The following SLC12A6 variants were observed in gnomAD, a reference collection of about 807,000 sequenced individuals.
SLC12A6 encodes the protein K-Cl cotransporter 3.
Under a neutral mutation model 135.3 loss-of-function variants are expected in SLC12A6, and 66 were observed. That is an observed-to-expected ratio of 0.49 (90% CI 0.40 to 0.60). SLC12A6 has a LOEUF of 0.60. Among genes scored for constraint, SLC12A6 ranks in the 20% least tolerant of loss-of-function variants. The pLI is 0.00. For missense variants in SLC12A6, 1,058 were observed against 1,452.3 expected (o/e 0.73, Z 4.41); for synonymous variants, 513 against 508.8 (o/e 1.01, Z -0.11).
chr15:34,291,833 C>T (rs1895554004), intron 2 of SLC12A6, among the ~76,000 whole-genome samples: 1 of 152,038 alleles, frequency 6.6e-6, no homozygotes, highest in African/African-American at 2.4e-5. Context: ...TCAGATCCAT[C>T]ATGTCATTTA....
chr15:34,263,197 C>T (rs1893272457), intron 3 of SLC12A6, among the ~76,000 whole-genome samples: 1 of 152,092 alleles, frequency 6.6e-6, no homozygotes, highest in South Asian at 2.1e-4. Context: ...AGGTGGGAGA[C>T]TGCTAGAGTC....
intron 3 of SLC12A6, among the ~76,000 whole-genome samples, chr15:34,267,698 T>G (rs1380670621): frequency 1.3e-5 from 2 of 152,232 alleles, no homozygotes; most frequent in Non-Finnish European, 2.9e-5. Context: ...AATTTTTGTG[T>G]ACACTTATTT....
chr15:34,277,475 G>C (rs916064825), intron 2 of SLC12A6, among the ~76,000 whole-genome samples: 7 of 151,550 alleles, frequency 4.6e-5, no homozygotes, highest in Admixed American at 1.3e-4. Context: ...TTGCACATAA[G>C]ACAAAGTAGG....
chr15:34,326,329 T>C (rs1031445105), intron 2 of SLC12A6, among the ~76,000 whole-genome samples: 1 of 152,222 alleles, frequency 6.6e-6, no homozygotes, highest in African/African-American at 2.4e-5. Context: ...CATTATGAAA[T>C]GCTTGCTAGA....
At chr15:34,245,992 G>T in intron 13 of SLC12A6, 125 bp from the exon 14 acceptor site, 1 of 771,240 alleles carries the variant, frequency 1.3e-6, no homozygotes, top group South Asian at 1.5e-5. Flanking sequence ...GAGTGCAGTG[G>T]TGTGATCTTG....
chr15:34,318,541 C>T lies in SLC12A6; in HGVS notation c.271+17869G>A, dbSNP rs757186737. 30 of 1,601,286 alleles carry T rather than the reference C, an allele frequency of 1.9e-5. 2 individuals are homozygous for T. In the South Asian group the frequency reaches 3.3e-4, roughly 18 times the overall value. Reference sequence around the variant, plus strand: ...TGAAACATTTTATAGGTTCCAAAAGCTCCCAAGTTGCGTACTCACCTGGTT... The same window carrying T: ...TGAAACATTTTATAGGTTCCAAAAGTTCCCAAGTTGCGTACTCACCTGGTT... On this transcript the variant is annotated intron_variant, in intron 2 of 25. Coordinates refer to ENST00000354181, the MANE Select transcript of SLC12A6 (RefSeq NM_001365088.1).
intron 2 of SLC12A6, among the ~76,000 whole-genome samples, chr15:34,276,112 TGTA>T (rs1418201302): frequency 6.6e-6 from 1 of 152,190 alleles, no homozygotes; most frequent in East Asian, 1.9e-4. Flanking sequence ...TGGTAACTTC[TGTA>T]TTGTATATAT....
intron 3 of SLC12A6, among the ~76,000 whole-genome samples, chr15:34,270,787 A>T (rs1374637479): frequency 1.3e-5 from 2 of 151,684 alleles, no homozygotes; most frequent in Non-Finnish European, 2.9e-5. Context: ...TGGGTGACAG[A>T]GCAAGATTCC....
At chr15:34,253,561 C>T (rs1892538280) in intron 9 of SLC12A6, among the ~76,000 whole-genome samples, 1 of 152,238 alleles carries the variant, frequency 6.6e-6, no homozygotes, top group African/African-American at 2.4e-5. Flanking sequence ...TCTTCTTGCT[C>T]TGCCATTAAT....
At chr15:34,314,097 G>C (rs985554991) in intron 2 of SLC12A6, among the ~76,000 whole-genome samples, 21 of 149,332 alleles carry the variant, frequency 1.4e-4, no homozygotes, top group African/African-American at 5.2e-4. Context: ...GCTTAGGCTG[G>C]AGTGCAGTGG....
chr15:34,323,940 C>CAA (rs144461318), intron 2 of SLC12A6, among the ~76,000 whole-genome samples: 1 of 130,954 alleles, frequency 7.6e-6, no homozygotes, highest in Non-Finnish European at 1.6e-5. Flanking sequence ...GATCTTGTCT[C>CAA]AAAAAAAAAA....
At chr15:34,323,940 C>CAAAAAA (rs144461318) in intron 2 of SLC12A6, among the ~76,000 whole-genome samples, 1 of 130,954 alleles carries the variant, frequency 7.6e-6, no homozygotes, top group African/African-American at 2.9e-5. Flanking sequence ...GATCTTGTCT[C>CAAAAAA]AAAAAAAAAA....
chr15:34,272,229 A>T (rs1003242513), intron 3 of SLC12A6, among the ~76,000 whole-genome samples: 1 of 152,154 alleles, frequency 6.6e-6, no homozygotes, highest in Non-Finnish European at 1.5e-5. Flanking sequence ...TTGGCCTCCC[A>T]AAGTGCTGGG....
At chr15:34,316,623 TC>T (rs1595561804) in intron 2 of SLC12A6, among the ~76,000 whole-genome samples, 1 of 152,214 alleles carries the variant, frequency 6.6e-6, no homozygotes, top group East Asian at 1.9e-4. Context: ...TGTCACTTCT[TC>T]CTTGTTAAAA....
rs1443631780 is a variant in SLC12A6 at position 34,232,259 on chromosome 15, ACT to A, written c.*1620_*1621del. The A allele has an allele frequency of 2.0e-5, 3 of 151,342 alleles. No homozygotes were observed. Among genetic ancestry groups the A allele is most frequent in the African/African-American group, 4.9e-5 (2 of 41,148 alleles). 9.4% of individuals were successfully genotyped at this position (151,342 alleles called of 1,614,324 possible). ...CTGAACTTTCTTTTTGAAACATATCACTCTGTTACCCAGGCTGGAGTGCAGAG... is the reference window on the plus strand; with the variant it reads ...CTGAACTTTCTTTTTGAAACATATCACTGTTACCCAGGCTGGAGTGCAGAG... On this transcript the variant is annotated 3_prime_UTR_variant, in exon 26 of 26. Coordinates refer to ENST00000354181, the MANE Select transcript of SLC12A6 (RefSeq NM_001365088.1).
At chr15:34,267,249 A>C (rs1893590507) in intron 3 of SLC12A6, among the ~76,000 whole-genome samples, 1 of 151,928 alleles carries the variant, frequency 6.6e-6, no homozygotes, top group South Asian at 2.1e-4. Context: ...AAAAAAAAAA[A>C]AACTCCATAA....
intron 2 of SLC12A6, among the ~76,000 whole-genome samples, chr15:34,294,672 A>C (rs1261926362): frequency 6.6e-6 from 1 of 152,124 alleles, no homozygotes; most frequent in Non-Finnish European, 1.5e-5. Flanking sequence ...GGCTCAATCA[A>C]TCCTCCCACC....
Position 34,233,952 on chromosome 15 carries a change from G to T in SLC12A6, c.3382C>A (p.Leu1128Ile). 6.3e-7 allele frequency: 1 copy of T among 1,598,252 alleles called. No homozygotes were observed. Among genetic ancestry groups the T allele is most frequent in the Non-Finnish European group, 8.6e-7 (1 of 1,165,502 alleles). ...AGGACTCGCTCTAGTCCCTCGGTAA[G>T]CACCTCTAGGAACTCCATGTCTTCA... ...DENYMEFLEV[L>I]TEGLERVLLV... The change falls in exon 26 of 26, where the codon CTT becomes ATT. Residue 1128 changes from leucine (L) to isoleucine (I), a missense_variant. Around this residue, in one of 6 missense-constraint regions of SLC12A6, gnomAD observed 245 missense variants for 440.8 expected, o/e 0.56. Coordinates refer to ENST00000354181, the MANE Select transcript of SLC12A6 (RefSeq NM_001365088.1).
At position 34,240,899 on chromosome 15, in the gene SLC12A6, C is replaced by G. The variant is rs528364943; in HGVS notation, c.2268-70G>C. 1.6e-5 allele frequency: 19 copies of G among 1,174,900 alleles called. No individual in the cohort carries two copies. In the Admixed American group the frequency reaches 3.7e-4, roughly 23 times the overall value. The allele number at this position is 1,174,900 out of a possible 1,614,324, so 72.8% of individuals were successfully genotyped here. On this transcript the variant is annotated intron_variant, in intron 18 of 25. Transcript: ENST00000354181. Reference sequence around the variant, plus strand: ...TGGGTTTGGGGAACAGAATGACAGACTCCACCCTTTAATTCAGGAGATCTG... The same window carrying G: ...TGGGTTTGGGGAACAGAATGACAGAGTCCACCCTTTAATTCAGGAGATCTG...
Sources: allele counts gnomAD v4.1 joint callset (sites outside exome capture counted in the v4.1 genomes callset), GRCh38; gene constraint gnomAD v4.1.1; regional missense constraint gnomAD v4.1.1; transcripts MANE v1.5; gene names NCBI Gene and HGNC (gene_info 2026-07-23, HGNC 2026-07-21).